The following ERBIN variants were observed in gnomAD, a reference collection of about 807,000 sequenced individuals.
ERBIN encodes erbb2 interacting protein.
Under a neutral mutation model 158.4 loss-of-function variants are expected in ERBIN, and 60 were observed. The ratio of observed to expected loss-of-function variants is 0.38; its 90% CI spans 0.31 to 0.47. The LOEUF (loss-of-function observed/expected upper bound fraction) is 0.47. Ranked by LOEUF, ERBIN falls within the 20% of genes least tolerant of loss-of-function variation. The probability of loss-of-function intolerance (pLI) is 0.99; values close to 1 mark genes in which losing one functional copy is unlikely to be tolerated. For missense variants in ERBIN, 1,610 were observed against 1,648.0 expected (o/e 0.98, Z 0.40); for synonymous variants, 594 against 557.2 (o/e 1.07, Z -0.93).
chr5:65,977,273 G>A (rs1580224653), intron 1 of ERBIN, among the ~76,000 whole-genome samples: 1 of 148,702 alleles, frequency 6.7e-6, no homozygotes, highest in East Asian at 2.0e-4. Context: ...CTCCCGGATG[G>A]GGCGGCTGGC....
intron 1 of ERBIN, among the ~76,000 whole-genome samples, chr5:65,964,899 C>A: frequency 7.1e-6 from 1 of 141,198 alleles, no homozygotes; most frequent in African/African-American, 3.0e-5. Flanking sequence ...GCCACCACGC[C>A]TGGCTGATTT....
In ERBIN at chr5:66,048,678, A is replaced by G. The variant is rs773078661; in HGVS notation, c.1800A>G (p.Glu600=). 6.2e-7 allele frequency: 1 copy of G among 1,604,886 alleles called. No individual in the cohort carries two copies. Among genetic ancestry groups the G allele is most frequent in the Admixed American group, 1.7e-5 (1 of 59,184 alleles). The change falls in exon 19 of 26, where the codon GAA becomes GAG. Residue 600 remains glutamate, a synonymous_variant. Coordinates refer to ENST00000284037, the MANE Select transcript of ERBIN (RefSeq NM_001253697.2). ...CCCCTTTTCACTAGGAATCTGAAGA[A>G]CTTTCTTCTGATGAAGAGATGAAAA... ...NHDDVFEESE[E]LSSDEEMKMA...
intron 4 of ERBIN, among the ~76,000 whole-genome samples, chr5:65,995,274 A>G (rs531840309): frequency 3.9e-5 from 6 of 152,094 alleles, no homozygotes; most frequent in African/African-American, 1.2e-4. Flanking sequence ...ACATATTCCA[A>G]TCCTCCATCC....
At chr5:66,058,966 G>C (rs1177708141) in intron 21 of ERBIN, among the ~76,000 whole-genome samples, 2 of 152,176 alleles carry the variant, frequency 1.3e-5, no homozygotes, top group African/African-American at 2.4e-5. Context: ...AAGTCAGGTA[G>C]CGTGATGCCT....
chr5:65,945,285 A>G lies in ERBIN; in HGVS notation c.-58+18479A>G, dbSNP rs144815941. On this transcript the variant is annotated intron_variant, in intron 1 of 25. Transcript: ENST00000284037. ...AGGCAACTAGTATGACACCATCTCCATGGACAAAGAATGTTGGAATATTCC... is the reference window on the plus strand; with the variant it reads ...AGGCAACTAGTATGACACCATCTCCGTGGACAAAGAATGTTGGAATATTCC... Among the ~76,000 whole-genome samples, 19 of 152,378 alleles carry G rather than the reference A, an allele frequency of 1.2e-4. No individual in the cohort carries two copies. The East Asian group carries it at 3.5e-3, about 28-fold the overall frequency.
At chr5:65,987,768 C>T (rs1413668883) in intron 1 of ERBIN, among the ~76,000 whole-genome samples, 1 of 151,118 alleles carries the variant, frequency 6.6e-6, no homozygotes, top group African/African-American at 2.4e-5. Context: ...TCGCTTGAAC[C>T]TAGGAAGTGG....
chr5:65,987,781 G>T (rs1294682898), intron 1 of ERBIN, among the ~76,000 whole-genome samples: 1 of 150,960 alleles, frequency 6.6e-6, no homozygotes, highest in Non-Finnish European at 1.5e-5. Context: ...GGAAGTGGAG[G>T]TTGCAGTGAG....
At chr5:66,074,995 C>G in intron 22 of ERBIN, 29 bp from the exon 23 acceptor site, 1 of 1,593,498 alleles carries the variant, frequency 6.3e-7, no homozygotes, top group African/African-American at 1.3e-5. Context: ...TATTATTGGT[C>G]ATTTTAAGAT....
rs140304577 is a variant in ERBIN at position 66,076,328 on chromosome 5, G to A, written c.3976G>A (p.Val1326Ile). 1.9e-4 allele frequency: 307 copies of A among 1,613,376 alleles called. 1 individual carries two copies. In the African/African-American group the frequency reaches 3.4e-3, roughly 18 times the overall value. Residue 1326 changes from valine to isoleucine, a missense_variant, in exon 24 of 26, where the codon GTT (valine) becomes ATT (isoleucine). Physicochemically the swap from Val to Ile is conservative, Grantham distance 29. Coordinates refer to ENST00000284037, the MANE Select transcript of ERBIN (RefSeq NM_001253697.2). ...ELAKQEIRVR[V>I]EKDPELGFSI... is the part of the protein sequence containing the mutation. ...CATATTAACTCAGATTCGAGTGAGG[G>A]TTGAAAAGGATCCAGAACTTGGATT...
Position 65,933,935 on chromosome 5 carries a change from G to A in ERBIN, c.-58+7129G>A, listed in dbSNP as rs576972523. Among the ~76,000 whole-genome samples the A allele has an allele frequency of 2.2e-3, 329 of 151,800 alleles. 2 individuals are homozygous for A. The highest frequency in any genetic ancestry group is 7.7e-3 in the African/African-American group (318 of 41,366). Reference sequence around the variant, plus strand: ...TTTTTTTTTATTTGAGAGCTCTGTCGCCCAGGCTGGAGTGCAGTGGCGTGA... The same window carrying A: ...TTTTTTTTTATTTGAGAGCTCTGTCACCCAGGCTGGAGTGCAGTGGCGTGA... On this transcript the variant is annotated intron_variant, in intron 1 of 25. Coordinates refer to ENST00000284037, the MANE Select transcript of ERBIN (RefSeq NM_001253697.2).
At chr5:66,061,697 A>T (rs1760372487) in intron 21 of ERBIN, among the ~76,000 whole-genome samples, 1 of 152,046 alleles carries the variant, frequency 6.6e-6, no homozygotes, top group African/African-American at 2.4e-5. Context: ...GTTCCTTTCC[A>T]TGTTTAGTGC....
intron 1 of ERBIN, among the ~76,000 whole-genome samples, chr5:65,966,678 C>G (rs1748661055): frequency 2.0e-5 from 1 of 49,742 alleles, no homozygotes; most frequent in South Asian, 1.1e-3. Context: ...GAAACTCTGT[C>G]TCAAAAAAAA....
intron 9 of ERBIN, among the ~76,000 whole-genome samples, 167 bp from the exon 10 acceptor site, chr5:66,024,139 A>G (rs1010312226): frequency 1.3e-5 from 2 of 152,214 alleles, no homozygotes; most frequent in African/African-American, 4.8e-5. Context: ...CATCTTAGCT[A>G]TATTACTGAA....
At chr5:66,060,485 A>C (rs1352149866) in intron 21 of ERBIN, among the ~76,000 whole-genome samples, 1 of 152,072 alleles carries the variant, frequency 6.6e-6, no homozygotes, top group Non-Finnish European at 1.5e-5. Flanking sequence ...CCTTTCAAAA[A>C]ACCAGCTCCT....
At chr5:66,060,987 G>A (rs555149723) in intron 21 of ERBIN, among the ~76,000 whole-genome samples, 9 of 152,268 alleles carry the variant, frequency 5.9e-5, no homozygotes, top group African/African-American at 2.2e-4. Context: ...TTTTGGAATA[G>A]GTGTGGTGTG....
Position 66,050,789 on chromosome 5 carries a change from C to G in ERBIN, c.1910C>G (p.Thr637Arg). The change falls in exon 20 of 26, where the codon ACA becomes AGA. Residue 637 changes from threonine to arginine, a missense_variant. Around this residue, in one of 2 missense-constraint regions of ERBIN, gnomAD observed 1,014 missense variants for 936.1 expected, o/e 1.08. Transcript: ENST00000284037. ...TAAATTTGTTTTGTTTCAGATGATA[C>G]AAAGGAAACAGATTCTTTATCAGAT... ...VALSNNKKDD[T>R]KETDSLSDEV... is the part of the protein sequence containing the mutation. The G allele has an allele frequency of 2.6e-6, 4 of 1,538,208 alleles. No individual in the cohort carries two copies. The highest frequency in any genetic ancestry group is 1.3e-5 in the South Asian group (1 of 79,184).
Position 66,054,114 on chromosome 5 carries a change from A to C in ERBIN, c.2796A>C (p.Ser932=), listed in dbSNP as rs757817266. Residue 932 remains serine, a synonymous_variant, in exon 21 of 26, where the codon TCA becomes TCC. Coordinates refer to ENST00000284037, the MANE Select transcript of ERBIN (RefSeq NM_001253697.2). ...TGCAGGTATTTACTGGTTCTTCCTC[A>C]TCTTCTGATTTAATATCAGGAACAA... ...QPLQVFTGSS[S]SSDLISGTKA... is the part of the protein sequence containing the mutation. The C allele has an allele frequency of 1.3e-5, 21 of 1,614,186 alleles. No homozygotes were observed. Among genetic ancestry groups the C allele is most frequent in the Non-Finnish European group, 1.8e-5 (21 of 1,180,028 alleles).
At position 66,005,602 on chromosome 5, in the gene ERBIN, T is replaced by G. The variant is rs1314489894; in HGVS notation, c.308-6447T>G. ...GGTATTCAGTTAGGAAAAGAGGAAG[T>G]CAAATTGTCCCTGTTTGCAGATGAC... On this transcript the variant is annotated intron_variant, in intron 4 of 25. Transcript: ENST00000284037. Among the ~76,000 whole-genome samples the G allele has an allele frequency of 3.3e-5, 5 of 152,250 alleles. No homozygotes were observed. In the East Asian group the frequency reaches 9.7e-4, roughly 29 times the overall value.
chr5:65,997,067 T>G (rs1248753063), intron 4 of ERBIN, among the ~76,000 whole-genome samples: 1 of 152,174 alleles, frequency 6.6e-6, no homozygotes, highest in Non-Finnish European at 1.5e-5. Context: ...TGTCTGCAAA[T>G]AGGGACACTT....
Sources: gnomAD v4.1 joint callset for allele counts (sites outside exome capture counted in the v4.1 genomes callset) on GRCh38, gnomAD v4.1.1 for gene constraint, gnomAD v4.1.1 regional missense constraint, MANE v1.5 for transcripts, NCBI Gene and HGNC (gene_info 2026-07-23, HGNC 2026-07-21) for gene names.